Variants in MOB2 observed in about 807,000 individuals in gnomAD.
The protein encoded by MOB2 is MOB2 Mps One Binder homolog.
Under a neutral mutation model 27.4 loss-of-function variants are expected in MOB2, and 14 were observed. The ratio of observed to expected loss-of-function variants is 0.51; its 90% CI spans 0.34 to 0.80. The LOEUF is 0.80. Ranked by LOEUF, MOB2 falls within the 30% of genes least tolerant of loss-of-function variation. The pLI is 0.01. For synonymous variants in MOB2, 167 were observed against 151.8 expected, an observed-to-expected ratio of 1.10 and a Z score of -0.74; for missense variants, 304 against 354.6, an observed-to-expected ratio of 0.86 and a Z score of 1.15.
intron 1 of MOB2, 111 bp from the exon 2 acceptor site, chr11:1,480,996 C>T (rs942681943): frequency 2.3e-5 from 31 of 1,320,904 alleles, no homozygotes; most frequent in Admixed American, 1.1e-4. Flanking sequence ...CCGAGCCCAT[C>T]GGGGCGACAC....
Position 1,486,709 on chromosome 11 carries a change from GC to G in MOB2, c.-154del. 1 of 603,744 alleles carries G rather than the reference GC, an allele frequency of 1.7e-6. No homozygotes were observed. The highest frequency in any genetic ancestry group is 2.0e-5 in the South Asian group (1 of 50,862). 37.4% of individuals were successfully genotyped at this position (603,744 alleles called of 1,614,324 possible). ...AGCTGCCCCCTTTCCAGAGGCAAGG[GC>G]TGGCCAAGGCTGGTGAAACGAGGGA... On this transcript the variant is annotated 5_prime_UTR_variant, in exon 1 of 5. An upstream open reading frame in the 5' UTR loses its in-frame stop. Coordinates refer to ENST00000329957, the MANE Select transcript of MOB2 (RefSeq NM_001172223.3).
chr11:1,471,498 T>A lies in MOB2; in HGVS notation c.366-79A>T, dbSNP rs1329285147. 15 of 1,535,960 alleles carry A rather than the reference T, an allele frequency of 9.8e-6. No homozygotes were observed. The East Asian group carries it at 3.4e-4, about 35-fold the overall frequency. On this transcript the variant is annotated intron_variant, in intron 3 of 4. Coordinates refer to ENST00000329957, the MANE Select transcript of MOB2 (RefSeq NM_001172223.3). ...CACTGGGTCCCACCCGCTCAGGTCATCTGCGGGCAGAGGTGGCGCCAGCAG... is the reference window on the plus strand; with the variant it reads ...CACTGGGTCCCACCCGCTCAGGTCAACTGCGGGCAGAGGTGGCGCCAGCAG...
At position 1,486,758 on chromosome 11, in the gene MOB2, A is replaced by C; in HGVS notation, c.-202T>G. 2.1e-6 allele frequency: 1 copy of C among 476,680 alleles called. No individual in the cohort carries two copies. Among genetic ancestry groups the C allele is most frequent in the Non-Finnish European group, 3.9e-6 (1 of 258,688 alleles). The allele number at this position is 476,680 out of a possible 1,614,324, so 29.5% of individuals were successfully genotyped here. ...GGAGCGTCTGAATTGGCCTTTTCCA[A>C]GTGGCATGGCTGCCAGAAGAGGCGG... On this transcript the variant is annotated 5_prime_UTR_variant, in exon 1 of 5. Transcript: ENST00000329957.
chr11:1,486,237 G>T (rs139482338), intron 1 of MOB2, among the ~76,000 whole-genome samples: 1 of 152,240 alleles, frequency 6.6e-6, no homozygotes, highest in South Asian at 2.1e-4. Context: ...GAGCAAACCC[G>T]CCAGGCTGGC....
chr11:1,480,253 T>G, intron 3 of MOB2, 140 bp downstream of exon 3: 1 of 727,548 alleles, frequency 1.4e-6, no homozygotes, highest in Non-Finnish European at 2.2e-6. Context: ...AAGGTGGATG[T>G]TGTGGAAGGC....
chr11:1,478,423 C>A (rs1364197450), intron 3 of MOB2, among the ~76,000 whole-genome samples: 24 of 152,266 alleles, frequency 1.6e-4, no homozygotes. Context: ...ACTTTGGACA[C>A]TGACTGGATG....
Position 1,470,122 on chromosome 11 carries a change from A to C in MOB2, c.*50T>G. On this transcript the variant is annotated 3_prime_UTR_variant, in exon 5 of 5. Coordinates refer to ENST00000329957, the MANE Select transcript of MOB2 (RefSeq NM_001172223.3). The stretch of plus-strand genomic sequence containing the variant: ...TGCACACGCAGATGCAGGAGAGAAC[A>C]CACACCACCGTCTCTTTGCACACGT... 6.4e-7 allele frequency: 1 copy of C among 1,552,408 alleles called. No homozygotes were observed. The highest frequency in any genetic ancestry group is 8.7e-7 in the Non-Finnish European group (1 of 1,148,928).
intron 3 of MOB2, among the ~76,000 whole-genome samples, chr11:1,477,053 G>A (rs1377500189): frequency 6.6e-6 from 1 of 152,186 alleles, no homozygotes; most frequent in Non-Finnish European, 1.5e-5. Context: ...TTCTGCTGTT[G>A]AGGCTGCAGT....
At position 1,469,808 on chromosome 11, in the gene MOB2, C is replaced by G. The variant is rs768040168; in HGVS notation, c.*364G>C. On this transcript the variant is annotated 3_prime_UTR_variant, in exon 5 of 5. Coordinates refer to ENST00000329957, the MANE Select transcript of MOB2 (RefSeq NM_001172223.3). ...GACCCAGGTCTGCAAATCACACCCT[C>G]CCCCCACGAGTTCCTCCTTTGAGGC... 1 of 521,334 alleles carries G rather than the reference C, an allele frequency of 1.9e-6. No individual in the cohort carries two copies. Among genetic ancestry groups the G allele is most frequent in the Admixed American group, 2.3e-5 (1 of 44,180 alleles). The allele number at this position is 521,334 out of a possible 1,614,324, so 32.3% of individuals were successfully genotyped here. A position where few individuals can be genotyped will look rare whatever the true frequency, so the allele number is the denominator to read the frequency against.
chr11:1,476,663 CT>C (rs1209234910), intron 3 of MOB2, among the ~76,000 whole-genome samples: 1 of 152,164 alleles, frequency 6.6e-6, no homozygotes, highest in Non-Finnish European at 1.5e-5. Context: ...TTATTTTGCT[CT>C]TTTTCTAGTT....
At position 1,486,661 on chromosome 11, in the gene MOB2, T is replaced by C; in HGVS notation, c.-105A>G. 3 of 726,374 alleles carry C rather than the reference T, an allele frequency of 4.1e-6. No homozygotes were observed. Among genetic ancestry groups the C allele is most frequent in the South Asian group, 1.7e-5 (1 of 58,636 alleles). The allele number at this position is 726,374 out of a possible 1,614,324, so 45.0% of individuals were successfully genotyped here. ...CCCTCCAGCCTCACTCCCTGGCCAATGGGACGCCTGGCAGAGACAAACAGC... is the reference window on the plus strand; with the variant it reads ...CCCTCCAGCCTCACTCCCTGGCCAACGGGACGCCTGGCAGAGACAAACAGC... On this transcript the variant is annotated 5_prime_UTR_variant, in exon 1 of 5. Transcript: ENST00000329957.
rs1847788067 is a variant in MOB2 at position 1,471,356 on chromosome 11, G to A, written c.429C>T (p.Asp143=). The A allele has an allele frequency of 6.2e-7, 1 of 1,613,586 alleles. No individual in the cohort carries two copies. Among genetic ancestry groups the A allele is most frequent in the South Asian group, 1.1e-5 (1 of 91,084 alleles). ...GCTTCTGCACGGAGCTCATGACGAA[G>A]TCAACGTACTGTGGGGCCGTGCACT... ...KVKCTAPQYV[D]FVMSSVQKLV... The change falls in exon 4 of 5, where the codon GAC becomes GAT. Residue 143 remains aspartate, a synonymous_variant. Transcript: ENST00000329957.
At chr11:1,482,314 GCTCA>G (rs1284599294) in intron 1 of MOB2, among the ~76,000 whole-genome samples, 1 of 152,228 alleles carries the variant, frequency 6.6e-6, no homozygotes, top group Non-Finnish European at 1.5e-5. Flanking sequence ...CTGTCAGCGC[GCTCA>G]CTCTCAGGGT....
chr11:1,471,374 C>T lies in MOB2; in HGVS notation c.411G>A (p.Thr137=), dbSNP rs575247843. Residue 137 remains threonine, a synonymous_variant, in exon 4 of 5, where the codon ACG becomes ACA. Coordinates refer to ENST00000329957, the MANE Select transcript of MOB2 (RefSeq NM_001172223.3). ...TGACGAAGTCAACGTACTGTGGGGC[C>T]GTGCACTTGACCTTCTTCCCCCGCT... ...YDERGKKVKC[T]APQYVDFVMS... is the part of the protein sequence containing the mutation. 26 of 1,613,578 alleles carry T rather than the reference C, an allele frequency of 1.6e-5. No individual in the cohort carries two copies. The highest frequency in any genetic ancestry group is 1.0e-4 in the Admixed American group (6 of 60,020).
chr11:1,479,876 G>A (rs571431480), intron 3 of MOB2, among the ~76,000 whole-genome samples: 137 of 152,242 alleles, frequency 9.0e-4, no homozygotes, highest in Admixed American at 1.5e-3. Flanking sequence ...CCCATGCTAC[G>A]CAAGTGAGGT....
Position 1,486,568 on chromosome 11 carries a change from G to A in MOB2, c.-12C>T, listed in dbSNP as rs146710160. On this transcript the variant is annotated 5_prime_UTR_variant, in exon 1 of 5. Coordinates refer to ENST00000329957, the MANE Select transcript of MOB2 (RefSeq NM_001172223.3). ...TGGTCTCCCAGCATGAGTGGGCGACGGGAAGGTGGGGAGGAGAAGCGGGGC... is the reference window on the plus strand; with the variant it reads ...TGGTCTCCCAGCATGAGTGGGCGACAGGAAGGTGGGGAGGAGAAGCGGGGC... The A allele has an allele frequency of 0.019, 28,538 of 1,519,750 alleles. 341 individuals carry two copies. Among genetic ancestry groups the A allele is most frequent in the Admixed American group, 0.039 (1,965 of 50,944 alleles). 94.1% of individuals were successfully genotyped at this position (1,519,750 alleles called of 1,614,324 possible). A position where few individuals can be genotyped will look rare whatever the true frequency, so the allele number is the denominator to read the frequency against.
Position 1,470,224 on chromosome 11 carries a change from T to TCCCCACTGC in MOB2, c.746_754dup (p.Gly249_Gly251dup), listed in dbSNP as rs1847767551. 2 of 1,612,126 alleles carry TCCCCACTGC rather than the reference T, an allele frequency of 1.2e-6. No homozygotes were observed. The highest frequency in any genetic ancestry group is 8.5e-7 in the Non-Finnish European group (1 of 1,179,766). ...TCCCGGGCCCCCGCTGCCGGCCCCATCCCCACTGCCCCCACTGTGGACCCC... is the reference window on the plus strand; with the variant it reads ...TCCCGGGCCCCCGCTGCCGGCCCCATCCCCACTGCCCCCACTGCCCCCACTGTGGACCCC... On this transcript the variant is annotated inframe_insertion, in exon 5 of 5. Transcript: ENST00000329957.
chr11:1,471,194 C>T, intron 4 of MOB2, 101 bp downstream of exon 4: 1 of 1,461,500 alleles, frequency 6.8e-7, no homozygotes, highest in Non-Finnish European at 9.2e-7. Context: ...CCCTCCGTGC[C>T]TCTGCCCCTC....
chr11:1,486,756 C>G lies in MOB2; in HGVS notation c.-200G>C. ...AGGGAGCGTCTGAATTGGCCTTTTC[C>G]AAGTGGCATGGCTGCCAGAAGAGGC... is the stretch of plus-strand genomic sequence containing the variant. On this transcript the variant is annotated 5_prime_UTR_variant, in exon 1 of 5. Transcript: ENST00000329957. 1 of 558,380 alleles carries G rather than the reference C, an allele frequency of 1.8e-6. No homozygotes were observed. Among genetic ancestry groups the G allele is most frequent in the Non-Finnish European group, 3.2e-6 (1 of 310,902 alleles). The allele number at this position is 558,380 out of a possible 1,614,324, so 34.6% of individuals were successfully genotyped here. A position where few individuals can be genotyped will look rare whatever the true frequency, so the allele number is the denominator to read the frequency against.
Sources: gnomAD v4.1 joint callset for allele counts (sites outside exome capture counted in the v4.1 genomes callset) on GRCh38, gnomAD v4.1.1 for gene constraint, MANE v1.5 for transcripts, NCBI Gene and HGNC (gene_info 2026-07-23, HGNC 2026-07-21) for gene names.